Variants in DNAJC6 observed in about 807,000 individuals in gnomAD.
DNAJC6 encodes DnaJ heat shock protein family (Hsp40) member C6.
In DNAJC6, 34 loss-of-function variants were observed where a neutral mutation model predicts 110.0. The ratio of observed to expected loss-of-function variants is 0.31; its 90% CI spans 0.24 to 0.41. The LOEUF is 0.41. Among genes scored for constraint, DNAJC6 ranks in the 10% least tolerant of loss-of-function variants. DNAJC6 has a pLI of 1.00. For missense variants in DNAJC6, 1,031 were observed against 1,207.8 expected, an observed-to-expected ratio of 0.85 and a Z score of 2.17; for synonymous variants, 406 against 437.2, an observed-to-expected ratio of 0.93 and a Z score of 0.89.
intron 1 of DNAJC6, among the ~76,000 whole-genome samples, chr1:65,280,326 A>AT (rs541207463): frequency 3.4e-4 from 51 of 150,978 alleles, no homozygotes; most frequent in East Asian, 9.7e-4. Context: ...GATTATTCAT[A>AT]TTTTTTTTTC....
chr1:65,408,643 G>A lies in DNAJC6; in HGVS notation c.2494G>A (p.Gly832Arg), dbSNP rs751850215. Residue 832 changes from glycine to arginine, a missense_variant and splice_region_variant, in exon 17 of 19, where the codon GGG becomes AGG. Gly to Arg is a moderately radical substitution (Grantham distance 125). Coordinates refer to ENST00000371069, the MANE Select transcript of DNAJC6 (RefSeq NM_001256864.2). ...ERGKGSSNLE[G>R]KQKAADFEDL... ...GATTTTCAAAAATTATATTGCAGAA[G>A]GGAAACAAAAAGCAGCTGATTTTGA... 1 of 1,608,326 alleles carries A rather than the reference G, an allele frequency of 6.2e-7. No homozygotes were observed. The highest frequency in any genetic ancestry group is 1.7e-5 in the Admixed American group (1 of 58,158).
At chr1:65,279,030 A>T (rs1653762422) in intron 1 of DNAJC6, 1 of 985,344 alleles carries the variant, frequency 1.0e-6, no homozygotes, top group Non-Finnish European at 1.2e-6. Context: ...AAACCTGGAG[A>T]TACTTGTTTC....
chr1:65,314,655 T>C (rs1645132753), intron 1 of DNAJC6, among the ~76,000 whole-genome samples: 1 of 152,124 alleles, frequency 6.6e-6, no homozygotes, highest in South Asian at 2.1e-4. Context: ...GCCAGGCTAA[T>C]TTTTGTACTT....
chr1:65,307,014 CTCTCTA>C (rs1221750308), upstream of DNAJC6, among the ~76,000 whole-genome samples: 1,541 of 75,540 alleles, frequency 0.02, 10 homozygotes, highest in Non-Finnish European at 0.025. Context: ...CTCTCTCTCT[CTCTCTA>C]TATATATATA....
In DNAJC6 at chr1:65,324,600, G is replaced by A. The variant is rs188654317; in HGVS notation, c.193+14662G>A. On this transcript the variant is annotated intron_variant, in intron 1 of 18. Transcript: ENST00000371069. Reference sequence around the variant, plus strand: ...TCTCAAACTCCTGAGGTCAAGCAATGCTCCCACCTCAGCCTCCTAAAGTGC... The same window carrying A: ...TCTCAAACTCCTGAGGTCAAGCAATACTCCCACCTCAGCCTCCTAAAGTGC... 5.1e-3 allele frequency among the ~76,000 whole-genome samples: 779 copies of A among 152,130 alleles called. 7 individuals are homozygous for A. The highest frequency in any genetic ancestry group is 0.018 in the African/African-American group (743 of 41,518).
chr1:65,346,059 T>A (rs1645434389), intron 1 of DNAJC6, among the ~76,000 whole-genome samples: 1 of 152,148 alleles, frequency 6.6e-6, no homozygotes, highest in African/African-American at 2.4e-5. Context: ...TTTTTGGGTT[T>A]TCTCCTAGGA....
At chr1:65,323,034 T>C (rs548394962) in intron 1 of DNAJC6, among the ~76,000 whole-genome samples, 1 of 152,364 alleles carries the variant, frequency 6.6e-6, no homozygotes. Context: ...TTTTGTCTAA[T>C]GCATGAAGTG....
intron 15 of DNAJC6, among the ~76,000 whole-genome samples, chr1:65,402,852 C>T (rs1646042773): frequency 6.6e-6 from 1 of 152,160 alleles, no homozygotes; most frequent in Middle Eastern, 3.2e-3. Context: ...TTCTTCTCCA[C>T]CTTTCTTTGT....
intron 2 of DNAJC6, among the ~76,000 whole-genome samples, chr1:65,365,107 C>CT (rs917893629): frequency 3.4e-4 from 51 of 151,388 alleles, no homozygotes; most frequent in African/African-American, 1.1e-3. Context: ...CCTCTCAGAG[C>CT]TTTTTTTTTA....
At chr1:65,395,950 T>C (rs1033984320) in intron 13 of DNAJC6, among the ~76,000 whole-genome samples, 69 of 152,326 alleles carry the variant, frequency 4.5e-4, no homozygotes, top group Non-Finnish European at 8.2e-4. Flanking sequence ...TTGAACATTA[T>C]TGGCCACAAC....
intron 4 of DNAJC6, among the ~76,000 whole-genome samples, chr1:65,370,512 G>A (rs1204670329): frequency 6.6e-6 from 1 of 152,174 alleles, no homozygotes; most frequent in Non-Finnish European, 1.5e-5. Context: ...TGGCATTACT[G>A]TTGGCAATAA....
At chr1:65,389,233 A>T (rs377300110) in intron 9 of DNAJC6, 23 bp from the exon 10 acceptor site, 5 of 1,602,342 alleles carry the variant, frequency 3.1e-6, no homozygotes, top group Non-Finnish European at 4.3e-6. Flanking sequence ...CACTGAATTT[A>T]TCTTTTTTAA....
intron 1 of DNAJC6, among the ~76,000 whole-genome samples, chr1:65,312,829 T>C (rs1645113539): frequency 6.6e-6 from 1 of 152,214 alleles, no homozygotes; most frequent in Admixed American, 6.5e-5. Context: ...TCTAGACAGA[T>C]AGCTCTGTCA....
At position 65,414,074 on chromosome 1, in the gene DNAJC6, C is replaced by T. The variant is rs1054443443; in HGVS notation, c.*1049C>T. ...GAGAGAGCTGCACTCACCTGCAGAC[C>T]CAGTCAGATGGCTTGTCAGTATCTG... is the stretch of plus-strand genomic sequence containing the variant. On this transcript the variant is annotated 3_prime_UTR_variant, in exon 19 of 19. Coordinates refer to ENST00000371069, the MANE Select transcript of DNAJC6 (RefSeq NM_001256864.2). The T allele has an allele frequency of 2.6e-5, 4 of 152,170 alleles. No homozygotes were observed. The highest frequency in any genetic ancestry group is 2.6e-4 in the Admixed American group (4 of 15,256). The allele number at this position is 152,170 out of a possible 1,614,324, so 9.4% of individuals were successfully genotyped here. A position where few individuals can be genotyped will look rare whatever the true frequency, so the allele number is the denominator to read the frequency against.
At chr1:65,331,945 A>T (rs771388991) in intron 1 of DNAJC6, among the ~76,000 whole-genome samples, 2 of 152,146 alleles carry the variant, frequency 1.3e-5, no homozygotes, top group African/African-American at 2.4e-5. Flanking sequence ...ACCAAGCTGG[A>T]AATCTTCATT....
At chr1:65,278,364 GTGAT>G (rs1204157891) in intron 1 of DNAJC6, among the ~76,000 whole-genome samples, 1 of 152,218 alleles carries the variant, frequency 6.6e-6, no homozygotes, top group Admixed American at 6.5e-5. Context: ...AGGCAACAGA[GTGAT>G]TGGTGGAATT....
chr1:65,404,215 C>T (rs979581639), intron 15 of DNAJC6, among the ~76,000 whole-genome samples: 4 of 152,170 alleles, frequency 2.6e-5, no homozygotes, highest in African/African-American at 9.7e-5. Context: ...ATTACATTTT[C>T]CTATCACCAA....
At position 65,371,049 on chromosome 1, in the gene DNAJC6, C is replaced by G. The variant is rs146936729; in HGVS notation, c.543+4853C>G. On this transcript the variant is annotated intron_variant, in intron 4 of 18. Coordinates refer to ENST00000371069, the MANE Select transcript of DNAJC6 (RefSeq NM_001256864.2). ...CCTGGGGGCCAGAGGACCAGAGACT[C>G]CCACATTCTAGTTATGAAGCCTTCC... 5.3e-3 allele frequency among the ~76,000 whole-genome samples: 813 copies of G among 152,268 alleles called. 8 individuals are homozygous for G. Among genetic ancestry groups the G allele is most frequent in the Middle Eastern group, 0.017 (5 of 294 alleles).
intron 1 of DNAJC6, among the ~76,000 whole-genome samples, chr1:65,355,020 T>A (rs1645528501): frequency 6.6e-6 from 1 of 152,114 alleles, no homozygotes; most frequent in South Asian, 2.1e-4. Context: ...CTGACACATG[T>A]AATCCCAGCA....
Sources: allele counts gnomAD v4.1 joint callset (sites outside exome capture counted in the v4.1 genomes callset), GRCh38; gene constraint gnomAD v4.1.1; transcripts MANE v1.5; gene names NCBI Gene and HGNC (gene_info 2026-07-23, HGNC 2026-07-21).